The following DGKZ variants were observed in gnomAD, a reference collection of about 807,000 sequenced individuals.
DGKZ encodes diacylglycerol kinase zeta.
DGKZ carries 45 observed loss-of-function variants against 142.5 expected under a neutral mutation model. The ratio of observed to expected loss-of-function variants is 0.32; its 90% confidence interval spans 0.25 to 0.40. DGKZ has a LOEUF of 0.40. Ranked by LOEUF, DGKZ falls within the 10% of genes least tolerant of loss-of-function variation. The pLI, the probability that DGKZ is intolerant of heterozygous loss-of-function variation, is 1.00. For missense variants in DGKZ, 755 were observed against 1,306.5 expected, an observed-to-expected ratio of 0.58 and a Z score of 6.51; for synonymous variants, 442 against 527.0, an observed-to-expected ratio of 0.84 and a Z score of 2.21.
chr11:46,376,195 T>C (rs766696559), intron 22 of DGKZ, 50 bp downstream of exon 22: 32 of 1,607,618 alleles, frequency 2.0e-5, no homozygotes, highest in Middle Eastern at 2.2e-4. Context: ...TGGTGGGAAG[T>C]GAGGCCAGGC....
In DGKZ at chr11:46,375,561, A is replaced by G; in HGVS notation, c.1840A>G (p.Ile614Val). ...CAAGCTTGCAGCCTCACGCATCCGCATCGCCCTGCGCAACCAGGCCACCAT... is the reference window on the plus strand; with the variant it reads ...CAAGCTTGCAGCCTCACGCATCCGCGTCGCCCTGCGCAACCAGGCCACCAT... Residue 614 changes from isoleucine to valine, a missense_variant, in exon 20 of 31, where the codon ATC (isoleucine) becomes GTC (valine). Around this residue, in one of 8 missense-constraint regions of DGKZ, gnomAD observed 191 missense variants for 472.1 expected, o/e 0.40. Transcript: ENST00000527911. 1.9e-6 allele frequency: 3 copies of G among 1,591,864 alleles called. No homozygotes were observed. The highest frequency in any genetic ancestry group is 2.3e-5 in the East Asian group (1 of 44,254).
intron 14 of DGKZ, 97 bp downstream of exon 14, chr11:46,373,198 C>T: frequency 7.4e-7 from 1 of 1,351,644 alleles, no homozygotes; most frequent in Non-Finnish European, 9.8e-7. Context: ...CGTGTCTCTT[C>T]ATTTCTCCAA....
chr11:46,343,068 A>C (rs1241214155), upstream of DGKZ, among the ~76,000 whole-genome samples: 2 of 152,034 alleles, frequency 1.3e-5, no homozygotes, highest in Non-Finnish European at 2.9e-5. Flanking sequence ...AGGATGTAGT[A>C]AGCAGAGATC....
chr11:46,336,666 C>T (rs1450731825), intron 1 of DGKZ, among the ~76,000 whole-genome samples: 1 of 152,160 alleles, frequency 6.6e-6, no homozygotes, highest in Non-Finnish European at 1.5e-5. Flanking sequence ...GCAGCCTTGA[C>T]TCAGGTGATC....
rs1263441848 is a variant in DGKZ at position 46,367,859 on chromosome 11, A to G, written c.366+112A>G. ...TGGCACCCCTGCTGTGGGCCGCCCC[A>G]GGATGGTGAGGGGTGCAGGGGCTTT... On this transcript the variant is annotated intron_variant, in intron 3 of 30. Transcript: ENST00000527911. The surrounding 1 kb of genome is among the most constrained non-coding windows in gnomAD (Gnocchi z 4.1). 6.6e-7 allele frequency: 1 copy of G among 1,517,078 alleles called. No homozygotes were observed. Among genetic ancestry groups the G allele is most frequent in the South Asian group, 1.1e-5 (1 of 88,488 alleles). 94.0% of individuals were successfully genotyped at this position (1,517,078 alleles called of 1,614,324 possible).
At chr11:46,349,118 C>T (rs1270821673) in intron 1 of DGKZ, among the ~76,000 whole-genome samples, 3 of 152,240 alleles carry the variant, frequency 2.0e-5, no homozygotes, top group South Asian at 4.1e-4. Flanking sequence ...ACTCTTTGCA[C>T]CTGCACTCTG....
rs903391785 is a variant in DGKZ at position 46,374,680 on chromosome 11, G to C, written c.1524+14G>C. ...ATCCGAGTGGTGGTGAGCGGGGCCAGGCTGCCGTGGGTGGGTGGGCCGGAA... is the reference window on the plus strand; with the variant it reads ...ATCCGAGTGGTGGTGAGCGGGGCCACGCTGCCGTGGGTGGGTGGGCCGGAA... On this transcript the variant is annotated intron_variant, in intron 17 of 30. Coordinates refer to ENST00000527911, the Ensembl canonical transcript of DGKZ. 2 of 1,603,210 alleles carry C rather than the reference G, an allele frequency of 1.2e-6. No individual in the cohort carries two copies. The highest frequency in any genetic ancestry group is 1.7e-6 in the Non-Finnish European group (2 of 1,174,022).
chr11:46,372,788 C>T lies in DGKZ; in HGVS notation c.1089C>T (p.Ser363=). Residue 363 remains serine, a synonymous_variant, in exon 13 of 31, where the codon TCC becomes TCT. Coordinates refer to ENST00000527911, the Ensembl canonical transcript of DGKZ. The surrounding 1 kb of genome is among the most constrained non-coding windows in gnomAD (Gnocchi z 5.9). ...TCCCCCAGGTGGGCTGGATCCTCTC[C>T]ACCCTGGACCAGCTACGCCTGAAGC... 8.7e-6 allele frequency: 14 copies of T among 1,605,302 alleles called. No homozygotes were observed. Among genetic ancestry groups the T allele is most frequent in the Non-Finnish European group, 1.2e-5 (14 of 1,176,254 alleles).
chr11:46,369,249 C>T, intron 4 of DGKZ: 1 of 580,298 alleles, frequency 1.7e-6, no homozygotes, highest in Non-Finnish European at 3.1e-6. Context: ...ACCCAAAGCT[C>T]CCAACCTCCC....
At chr11:46,339,353 A>T (rs1428373414) in intron 1 of DGKZ, among the ~76,000 whole-genome samples, 2 of 152,250 alleles carry the variant, frequency 1.3e-5, no homozygotes, top group African/African-American at 2.4e-5. Flanking sequence ...AACCAGGGGC[A>T]GAGAGCTGAG....
intron 1 of DGKZ, among the ~76,000 whole-genome samples, chr11:46,342,374 C>A (rs190296816): frequency 6.6e-6 from 1 of 152,364 alleles, no homozygotes; most frequent in Non-Finnish European, 1.5e-5. Context: ...CTTGAAGCCT[C>A]CAGCCTGCCT....
rs772359522 is a variant in DGKZ, at chr11:46,371,691, G to C, written c.760-13G>C. 2 of 1,613,944 alleles carry C rather than the reference G, an allele frequency of 1.2e-6. No individual in the cohort carries two copies. The highest frequency in any genetic ancestry group is 1.1e-5 in the South Asian group (1 of 91,072). On this transcript the variant is annotated splice_polypyrimidine_tract_variant and intron_variant, in intron 8 of 30. Coordinates refer to ENST00000527911, the Ensembl canonical transcript of DGKZ. ...TGCCCACCTCGTCACCAACACCCCT[G>C]CTTCCCTTGCAGAATACTCTGAAAG...
At chr11:46,357,277 C>A (rs974890019) in intron 1 of DGKZ, among the ~76,000 whole-genome samples, 2 of 152,122 alleles carry the variant, frequency 1.3e-5, no homozygotes, top group Admixed American at 1.3e-4. Flanking sequence ...TTGCCCACCA[C>A]CCTCCCCTTG....
At chr11:46,334,729 G>GTCATCTCTA (rs1939929188) in intron 1 of DGKZ, among the ~76,000 whole-genome samples, 2 of 152,172 alleles carry the variant, frequency 1.3e-5, no homozygotes, top group South Asian at 2.1e-4. Context: ...AGTTCTTCCA[G>GTCATCTCTA]AACACCACGC....
chr11:46,333,942 C>T (rs994537074), intron 1 of DGKZ, among the ~76,000 whole-genome samples: 2 of 152,294 alleles, frequency 1.3e-5, no homozygotes, highest in African/African-American at 4.8e-5. Context: ...TGTGGAGACC[C>T]TGCTGCCCAG....
exon 28 of DGKZ, chr11:46,379,086 TGTG>T: frequency 6.2e-7 from 1 of 1,604,234 alleles, no homozygotes; most frequent in Non-Finnish European, 8.5e-7. Context: ...GCAGCAAGGA[TGTG>T]GTCCGCTACC....
At chr11:46,379,521 C>T in exon 30 of DGKZ, 1 of 1,611,820 alleles carries the variant, frequency 6.2e-7, no homozygotes, top group South Asian at 1.1e-5. Flanking sequence ...CACCATCTGC[C>T]ACTACATCGT....
chr11:46,363,828 G>T (rs1238743796), intron 1 of DGKZ, among the ~76,000 whole-genome samples: 2 of 152,244 alleles, frequency 1.3e-5, no homozygotes, highest in African/African-American at 4.8e-5. Flanking sequence ...TGCCCTGACG[G>T]CAGGGGGCAG....
chr11:46,358,913 C>T (rs768921022), intron 1 of DGKZ, among the ~76,000 whole-genome samples: 7 of 152,042 alleles, frequency 4.6e-5, no homozygotes, highest in South Asian at 2.1e-4. Flanking sequence ...GAGGCTGAGG[C>T]GGGCAGATCA....
Sources: gnomAD v4.1 joint callset for allele counts (sites outside exome capture counted in the v4.1 genomes callset) on GRCh38, gnomAD v4.1.1 for gene constraint, gnomAD v4.1.1 regional missense constraint, Gnocchi (gnomAD v3.1) non-coding constraint, MANE v1.5 for transcripts, NCBI Gene and HGNC (gene_info 2026-07-23, HGNC 2026-07-21) for gene names.